Variants in CAMKMT observed in about 807,000 individuals in gnomAD.
CAMKMT encodes the protein calmodulin-lysine N-methyltransferase, also known as CaM KMT.
A neutral mutation model predicts 48.0 loss-of-function variants in CAMKMT; 53 were observed. The observed-to-expected ratio is 1.10, with a 90% CI of 0.89 to 1.39. CAMKMT has a LOEUF of 1.39. CAMKMT is among the 40% of genes most tolerant of loss of function. CAMKMT has a pLI of 0.00. For synonymous variants in CAMKMT, 165 were observed against 152.3 expected (o/e 1.08, Z -0.61); for missense variants, 428 against 402.7 (o/e 1.06, Z -0.54).
intron 3 of CAMKMT, among the ~76,000 whole-genome samples, chr2:44,512,172 T>C (rs965219593): frequency 4.6e-5 from 7 of 152,190 alleles, no homozygotes; most frequent in African/African-American, 1.7e-4. Context: ...CAATATTAGC[T>C]GATGCTTGAC....
intron 3 of CAMKMT, among the ~76,000 whole-genome samples, chr2:44,616,150 CTTCTGT>C (rs367617278): frequency 1.2e-3 from 178 of 152,310 alleles, no homozygotes; most frequent in Middle Eastern, 3.4e-3. Context: ...TAGCTGCCAT[CTTCTGT>C]CTCTTGAACT....
intron 3 of CAMKMT, among the ~76,000 whole-genome samples, chr2:44,452,486 GCTCCCCACCTAC>G (rs1352178594): frequency 6.6e-6 from 1 of 151,800 alleles, no homozygotes; most frequent in Non-Finnish European, 1.5e-5. Flanking sequence ...ATATATGTGG[GCTCCCCACCTAC>G]CTCCTTTTTA....
chr2:44,590,976 A>C (rs1432460349), intron 3 of CAMKMT, among the ~76,000 whole-genome samples: 1 of 152,068 alleles, frequency 6.6e-6, no homozygotes, highest in Non-Finnish European at 1.5e-5. Flanking sequence ...ACATATGGCT[A>C]GCCAGTTTTC....
intron 3 of CAMKMT, among the ~76,000 whole-genome samples, chr2:44,539,341 C>G (rs1008511012): frequency 1.2e-4 from 18 of 149,266 alleles, no homozygotes; most frequent in African/African-American, 4.4e-4. Flanking sequence ...TCTTTTAAAT[C>G]TATTTTAATC....
intron 7 of CAMKMT, among the ~76,000 whole-genome samples, chr2:44,718,685 T>A (rs138361697): frequency 6.6e-6 from 1 of 152,326 alleles, no homozygotes; most frequent in East Asian, 1.9e-4. Context: ...ATAGCGTCAT[T>A]CTCTGGTTAA....
chr2:44,732,601 C>T (rs1281228166), intron 7 of CAMKMT, among the ~76,000 whole-genome samples: 1 of 152,188 alleles, frequency 6.6e-6, no homozygotes, highest in African/African-American at 2.4e-5. Context: ...AGTTTTGTAG[C>T]TGGGACTATA....
intron 3 of CAMKMT, among the ~76,000 whole-genome samples, chr2:44,574,735 T>TATTAATTA (rs1205067553): frequency 1.1e-4 from 17 of 152,026 alleles, no homozygotes; most frequent in Admixed American, 5.9e-4. Context: ...TGATATGTCT[T>TATTAATTA]ATTAATTAAT....
rs76379080 is a variant in CAMKMT at position 44,665,051 on chromosome 2, C to T, written c.377-39232C>T. 0.013 allele frequency among the ~76,000 whole-genome samples: 1,923 copies of T among 152,100 alleles called. 48 individuals are homozygous for T. In the East Asian group the frequency reaches 0.13, roughly 10 times the overall value. On this transcript the variant is annotated intron_variant, in intron 3 of 10. Transcript: ENST00000378494. ...GTCAATTTTAAAAAAAGAAGAAGTT[C>T]TCAAAGAGGTTTTTTTGTTTGTTTG...
chr2:44,654,145 G>GCCTGAACATTTTATGATCTTAT (rs756438039), intron 3 of CAMKMT, among the ~76,000 whole-genome samples: 12 of 152,046 alleles, frequency 7.9e-5, no homozygotes, highest in Non-Finnish European at 1.5e-4. Context: ...TATGATCTTA[G>GCCTGAACATTTTATGATCTTAT]CCTAAACATT....
In CAMKMT at chr2:44,640,703, TA is replaced by T. The variant is rs1437804292; in HGVS notation, c.377-63578del. Among the ~76,000 whole-genome samples the T allele has an allele frequency of 3.3e-5, 5 of 152,338 alleles. No individual in the cohort carries two copies. In the South Asian group the frequency reaches 8.3e-4, roughly 25 times the overall value. On this transcript the variant is annotated intron_variant, in intron 3 of 10. Coordinates refer to ENST00000378494, the MANE Select transcript of CAMKMT (RefSeq NM_024766.5). ...TTGCTATTATTAGTACTACTAATAATAATGTCGTTATTCAACCAAGTTTCTT... is the reference window on the plus strand; with the variant it reads ...TTGCTATTATTAGTACTACTAATAATATGTCGTTATTCAACCAAGTTTCTT...
chr2:44,698,475 C>T (rs1046484839), intron 3 of CAMKMT, among the ~76,000 whole-genome samples: 2 of 152,194 alleles, frequency 1.3e-5, no homozygotes, highest in African/African-American at 4.8e-5. Context: ...AAATTCTTTG[C>T]TTTCCTGGTG....
intron 3 of CAMKMT, among the ~76,000 whole-genome samples, chr2:44,558,507 T>C (rs1668144176): frequency 6.6e-6 from 1 of 152,098 alleles, no homozygotes; most frequent in Non-Finnish European, 1.5e-5. Flanking sequence ...CTATCTTCAA[T>C]AGATAGAGTT....
intron 3 of CAMKMT, among the ~76,000 whole-genome samples, chr2:44,578,330 T>C (rs776848777): frequency 6.6e-6 from 1 of 152,244 alleles, no homozygotes; most frequent in Non-Finnish European, 1.5e-5. Context: ...AATAATACTG[T>C]ATTAATTCGA....
chr2:44,745,352 G>A (rs1309707135), intron 8 of CAMKMT, among the ~76,000 whole-genome samples: 1 of 152,226 alleles, frequency 6.6e-6, no homozygotes, highest in Non-Finnish European at 1.5e-5. Context: ...AGAGGGAAAA[G>A]CAGAGGAAGT....
chr2:44,536,575 G>T (rs533304023), intron 3 of CAMKMT, among the ~76,000 whole-genome samples: 1 of 151,686 alleles, frequency 6.6e-6, no homozygotes, highest in East Asian at 1.9e-4. Context: ...TGATCCACCC[G>T]CCTCAGCCTC....
At chr2:44,666,055 G>T (rs538019028) in intron 3 of CAMKMT, among the ~76,000 whole-genome samples, 1 of 152,298 alleles carries the variant, frequency 6.6e-6, no homozygotes, top group African/African-American at 2.4e-5. Context: ...ATTTTAAATC[G>T]TTTGCATTGA....
intron 3 of CAMKMT, among the ~76,000 whole-genome samples, chr2:44,547,319 G>A (rs1225562368): frequency 6.6e-6 from 1 of 152,110 alleles, no homozygotes; most frequent in Admixed American, 6.5e-5. Context: ...AGCAGGGATT[G>A]GTCAAGCTGG....
At chr2:44,390,447 T>G (rs1681224216) in intron 3 of CAMKMT, 142 bp downstream of exon 3, 3 of 578,224 alleles carry the variant, frequency 5.2e-6, no homozygotes, top group Non-Finnish European at 5.6e-6. Context: ...TTGACTGTCT[T>G]TAGCTGCAAA....
intron 3 of CAMKMT, among the ~76,000 whole-genome samples, chr2:44,633,143 T>A (rs933625920): frequency 6.6e-6 from 1 of 152,164 alleles, no homozygotes; most frequent in Admixed American, 6.5e-5. Flanking sequence ...TGACGAGAAG[T>A]CAAAAGTACA....
Sources: allele counts gnomAD v4.1 joint callset (sites outside exome capture counted in the v4.1 genomes callset), GRCh38; gene constraint gnomAD v4.1.1; transcripts MANE v1.5; gene names NCBI Gene and HGNC (gene_info 2026-07-23, HGNC 2026-07-21).